Variants in EZH1 observed in about 807,000 individuals in gnomAD.
The protein encoded by EZH1 is histone-lysine N-methyltransferase EZH1.
A neutral mutation model predicts 100.5 loss-of-function variants in EZH1; 33 were observed. That is an observed-to-expected ratio of 0.33 (90% confidence interval 0.25 to 0.44). The LOEUF (loss-of-function observed/expected upper bound fraction) is 0.44, where lower values mean the gene tolerates loss of function less well. Among genes scored for constraint, EZH1 ranks in the 20% least tolerant of loss-of-function variants. The probability of loss-of-function intolerance (pLI) is 1.00; values close to 1 mark genes in which losing one functional copy is unlikely to be tolerated. For missense variants in EZH1, 475 were observed against 928.4 expected (o/e 0.51, Z 6.35); for synonymous variants, 272 against 313.8 (o/e 0.87, Z 1.41).
chr17:42,706,051 C>A lies in EZH1; in HGVS notation c.1795G>T (p.Val599Leu), dbSNP rs1233121758. The change falls in exon 16 of 21, where the codon GTG becomes TTG. Residue 599 changes from valine (V) to leucine (L), a missense_variant. Coordinates refer to ENST00000428826, the MANE Select transcript of EZH1 (RefSeq NM_001991.5). The surrounding 1 kb of genome is among the most constrained non-coding windows in gnomAD (Gnocchi z 4.4). ...ATGCTGCAGTTTTTACAGGAAACCA[C>A]CTTGCAGTCCCAGTGCTCTGAGGCC... ...CGASEHWDCK[V>L]VSCKNCSIQR... 6.2e-7 allele frequency: 1 copy of A among 1,613,966 alleles called. No homozygotes were observed.
Position 42,702,618 on chromosome 17 carries a change from C to A in EZH1, c.2184-26G>T, listed in dbSNP as rs1482858540. ...CTGTCCCAGAGCAGGGAAGAGGAAC[C>A]AGGTTACTCTCATGACTTTTGTGAT... On this transcript the variant is annotated intron_variant, in intron 20 of 20. Transcript: ENST00000428826. The A allele has an allele frequency of 1.9e-6, 3 of 1,555,896 alleles. 1 individual carries two copies. The highest frequency in any genetic ancestry group is 1.2e-5 in the South Asian group (1 of 85,236).
Position 42,733,032 on chromosome 17 carries a change from CAAAAAAA to C in EZH1, c.-102-2121_-102-2115del, listed in dbSNP as rs35232752. On this transcript the variant is annotated intron_variant, in intron 1 of 20. Transcript: ENST00000428826. ...GCAACAAAGTGAGACACCATCTCTA[CAAAAAAA>C]AAAAAAAAAAAGAAAAAGCCAGGTG... Among the ~76,000 whole-genome samples the C allele has an allele frequency of 2.5e-4, 26 of 103,232 alleles. 1 individual carries two copies. The Middle Eastern group carries it at 0.018, about 70-fold the overall frequency. 67.7% of individuals were successfully genotyped at this position (103,232 alleles called of 152,430 possible).
chr17:42,742,436 C>T (rs1422331598), intron 1 of EZH1, among the ~76,000 whole-genome samples: 2 of 152,054 alleles, frequency 1.3e-5, no homozygotes, highest in Non-Finnish European at 2.9e-5. Flanking sequence ...AAGCCATCAG[C>T]CCAGCCTCTA....
chr17:42,704,502 C>G, intron 18 of EZH1, 100 bp downstream of exon 18: 2 of 879,166 alleles, frequency 2.3e-6, no homozygotes, highest in Non-Finnish European at 3.5e-6. Context: ...GAGCCAAGAT[C>G]GCACCATTGC....
In EZH1 at chr17:42,708,930, G is replaced by T. The variant is rs1322262099; in HGVS notation, c.1494-14C>A. The T allele has an allele frequency of 1.9e-6, 3 of 1,614,036 alleles. No homozygotes were observed. The highest frequency in any genetic ancestry group is 1.3e-5 in the African/African-American group (1 of 74,926). On this transcript the variant is annotated splice_polypyrimidine_tract_variant and intron_variant, in intron 13 of 20. Transcript: ENST00000428826. The stretch of plus-strand genomic sequence containing the variant: ...GCAGCCCACAATCTGAAAAAGACAG[G>T]AAGGACAGGTCTCAGTCACGGCCCT...
At chr17:42,720,020 T>C (rs1200256637) in intron 7 of EZH1, among the ~76,000 whole-genome samples, 1 of 152,220 alleles carries the variant, frequency 6.6e-6, no homozygotes, top group East Asian at 1.9e-4. Context: ...TATATATAAA[T>C]TGGCATGATC....
chr17:42,708,360 A>G (rs2053403870), intron 14 of EZH1, among the ~76,000 whole-genome samples: 1 of 152,150 alleles, frequency 6.6e-6, no homozygotes. Flanking sequence ...GCACACTAGA[A>G]AAGTCACATA....
intron 1 of EZH1, chr17:42,731,876 G>A (rs1047815890): frequency 3.3e-5 from 5 of 152,234 alleles, no homozygotes; most frequent in Non-Finnish European, 5.9e-5. Context: ...CTGCGGCCTG[G>A]GCAACAAGAG....
At position 42,708,580 on chromosome 17, in the gene EZH1, G is replaced by A. The variant is rs143865954; in HGVS notation, c.1534+296C>T. Among the ~76,000 whole-genome samples the A allele has an allele frequency of 9.7e-3, 1,470 of 152,236 alleles. 25 individuals carry two copies. The highest frequency in any genetic ancestry group is 0.034 in the African/African-American group (1,415 of 41,542). ...TGAGGCAGGAGAATTGCTTGAACCCGGGAGGCGGAGGTTGCAGTGAGCCAA... is the reference window on the plus strand; with the variant it reads ...TGAGGCAGGAGAATTGCTTGAACCCAGGAGGCGGAGGTTGCAGTGAGCCAA... On this transcript the variant is annotated intron_variant, in intron 14 of 20. Transcript: ENST00000428826.
Position 42,720,463 on chromosome 17 carries a change from A to T in EZH1, c.488-14T>A. The T allele has an allele frequency of 1.2e-6, 2 of 1,600,230 alleles. No individual in the cohort carries two copies. The highest frequency in any genetic ancestry group is 1.7e-6 in the Non-Finnish European group (2 of 1,173,900). The stretch of plus-strand genomic sequence containing the variant: ...CAGGGATCATCTCTGAAACATGAGG[A>T]TTCGAAAGATGAGCAGTGGTCACTT... On this transcript the variant is annotated splice_polypyrimidine_tract_variant and intron_variant, in intron 6 of 20. Transcript: ENST00000428826.
intron 4 of EZH1, 103 bp from the exon 5 acceptor site, chr17:42,724,527 G>A: frequency 2.9e-6 from 4 of 1,399,674 alleles, no homozygotes; most frequent in East Asian, 2.6e-5. Flanking sequence ...GCTCATGCCA[G>A]TAATCCCAGC....
intron 19 of EZH1, 136 bp from the exon 20 acceptor site, chr17:42,703,097 G>A (rs1254212296): frequency 3.9e-6 from 3 of 767,978 alleles, no homozygotes; most frequent in African/African-American, 1.7e-5. Context: ...CAATATGGTA[G>A]TTGCCTCTAT....
intron 10 of EZH1, chr17:42,714,592 C>CA (rs1468736505): frequency 3.1e-6 from 1 of 318,296 alleles, no homozygotes; most frequent in Non-Finnish European, 6.4e-6. Context: ...TAGCAAGCAG[C>CA]AGAAAATTGT....
intron 4 of EZH1, 83 bp from the exon 5 acceptor site, chr17:42,724,507 G>C: frequency 2.0e-6 from 3 of 1,530,912 alleles, no homozygotes. Context: ...AAAATTGGCT[G>C]GGCATAGTGG....
intron 10 of EZH1, among the ~76,000 whole-genome samples, 186 bp downstream of exon 10, chr17:42,717,790 T>G (rs1349190741): frequency 2.6e-5 from 4 of 152,206 alleles, no homozygotes; most frequent in Non-Finnish European, 4.4e-5. Flanking sequence ...TCCATCAGAC[T>G]AACTTTATAG....
At chr17:42,710,614 G>A (rs2053457926) in intron 12 of EZH1, among the ~76,000 whole-genome samples, 1 of 149,610 alleles carries the variant, frequency 6.7e-6, no homozygotes, top group Admixed American at 6.7e-5. Flanking sequence ...TCAGCTCATG[G>A]TTCTGTTTTT....
chr17:42,733,510 A>T (rs1328778958), intron 1 of EZH1, among the ~76,000 whole-genome samples: 1 of 149,238 alleles, frequency 6.7e-6, no homozygotes, highest in African/African-American at 2.5e-5. Flanking sequence ...GCATGGTGGC[A>T]GGCGCCTGTG....
intron 6 of EZH1, among the ~76,000 whole-genome samples, chr17:42,720,867 T>A (rs1321185387): frequency 6.6e-6 from 1 of 152,078 alleles, no homozygotes; most frequent in Non-Finnish European, 1.5e-5. Context: ...GTCAGGCTGG[T>A]CGTGAACTCC....
chr17:42,704,734 G>A (rs2053316118), intron 17 of EZH1, 51 bp from the exon 18 acceptor site: 1 of 1,483,672 alleles, frequency 6.7e-7, no homozygotes, highest in Non-Finnish European at 9.3e-7. Context: ...CCTGCTCAGG[G>A]CATGGTACCC....
Sources: gnomAD v4.1 joint callset for allele counts (sites outside exome capture counted in the v4.1 genomes callset) on GRCh38, gnomAD v4.1.1 for gene constraint, Gnocchi (gnomAD v3.1) non-coding constraint, MANE v1.5 for transcripts, NCBI Gene and HGNC (gene_info 2026-07-23, HGNC 2026-07-21) for gene names.